The following ITGB5 variants were observed in gnomAD, a reference collection of about 807,000 sequenced individuals.
The protein encoded by ITGB5 is integrin beta-5.
A neutral mutation model predicts 84.8 loss-of-function variants in ITGB5; 38 were observed. That is an observed-to-expected ratio of 0.45 (90% CI 0.35 to 0.59). ITGB5 has a LOEUF of 0.59. ITGB5 is among the 20% of genes least tolerant of loss of function. The probability of loss-of-function intolerance (pLI) is 0.01; values close to 1 mark genes in which losing one functional copy is unlikely to be tolerated. For missense variants in ITGB5, 905 were observed against 1,034.5 expected, an observed-to-expected ratio of 0.87 and a Z score of 1.72; for synonymous variants, 393 against 414.4, an observed-to-expected ratio of 0.95 and a Z score of 0.63.
intron 8 of ITGB5, among the ~76,000 whole-genome samples, chr3:124,815,587 GGCATCC>G (rs1266595288): frequency 1.3e-5 from 2 of 152,186 alleles, no homozygotes; most frequent in Non-Finnish European, 2.9e-5. Context: ...TCCCAGCTCT[GGCATCC>G]TCAGAGGGAA....
chr3:124,863,496 A>T (rs2065335729), intron 2 of ITGB5, among the ~76,000 whole-genome samples: 1 of 152,160 alleles, frequency 6.6e-6, no homozygotes, highest in South Asian at 2.1e-4. Flanking sequence ...CTTCGCCTCT[A>T]TTCCATGTGT....
At chr3:124,773,585 G>T in intron 11 of ITGB5, 105 bp downstream of exon 11, 2 of 951,820 alleles carry the variant, frequency 2.1e-6, no homozygotes, top group Non-Finnish European at 3.3e-6. Context: ...GGTGGGAGAT[G>T]CAGGAGGTGA....
chr3:124,807,748 A>G (rs1283705347), intron 9 of ITGB5, among the ~76,000 whole-genome samples: 1 of 151,772 alleles, frequency 6.6e-6, no homozygotes, highest in Non-Finnish European at 1.5e-5. Context: ...GATCGAGACC[A>G]TCCTGGCTAC....
At chr3:124,873,570 C>T in intron 1 of ITGB5, 39 bp from the exon 2 acceptor site, 1 of 1,435,750 alleles carries the variant, frequency 7.0e-7, no homozygotes, top group Non-Finnish European at 9.8e-7. Context: ...TAGTTCCTGG[C>T]TATAAACTTC....
At chr3:124,801,619 G>A (rs2064317662) in intron 9 of ITGB5, among the ~76,000 whole-genome samples, 1 of 152,170 alleles carries the variant, frequency 6.6e-6, no homozygotes, top group Non-Finnish European at 1.5e-5. Context: ...CCTGAACTGT[G>A]TCTGCTTTTC....
intron 5 of ITGB5, among the ~76,000 whole-genome samples, chr3:124,822,842 C>G (rs1294300370): frequency 6.6e-6 from 1 of 152,166 alleles, no homozygotes; most frequent in African/African-American, 2.4e-5. Flanking sequence ...CTTCAATACA[C>G]CATGACAGGA....
intron 12 of ITGB5, among the ~76,000 whole-genome samples, chr3:124,767,805 C>T (rs1236737089): frequency 6.6e-6 from 1 of 152,208 alleles, no homozygotes; most frequent in Non-Finnish European, 1.5e-5. Flanking sequence ...GGCATGGTGG[C>T]TCACACCTGT....
At chr3:124,823,424 T>C (rs972866851) in intron 5 of ITGB5, among the ~76,000 whole-genome samples, 1 of 151,642 alleles carries the variant, frequency 6.6e-6, no homozygotes, top group African/African-American at 2.4e-5. Context: ...CCAGACACAT[T>C]TTAGGAACCT....
intron 2 of ITGB5, among the ~76,000 whole-genome samples, chr3:124,860,334 GA>G (rs879729454): frequency 5.3e-4 from 79 of 149,888 alleles, no homozygotes; most frequent in East Asian, 1.4e-3. Flanking sequence ...CACTAAGGAG[GA>G]AAAAAAAACC....
intron 10 of ITGB5, among the ~76,000 whole-genome samples, 194 bp downstream of exon 10, chr3:124,796,194 C>T (rs1281539727): frequency 6.6e-6 from 1 of 152,220 alleles, no homozygotes; most frequent in Non-Finnish European, 1.5e-5. Flanking sequence ...ATGGCAATAC[C>T]TTCTGCTTTC....
intron 10 of ITGB5, among the ~76,000 whole-genome samples, chr3:124,784,364 G>C (rs961725384): frequency 5.3e-5 from 8 of 152,148 alleles, no homozygotes; most frequent in African/African-American, 1.9e-4. Flanking sequence ...AATTAGCCAG[G>C]CATGGTGGCA....
At chr3:124,798,423 T>C (rs1315849225) in intron 9 of ITGB5, among the ~76,000 whole-genome samples, 1 of 151,948 alleles carries the variant, frequency 6.6e-6, no homozygotes, top group African/African-American at 2.4e-5. Context: ...ATGTTTTTGT[T>C]GTTGTTGTTG....
chr3:124,863,122 A>G (rs529947931), intron 2 of ITGB5: 1 of 152,238 alleles, frequency 6.6e-6, no homozygotes, highest in South Asian at 2.1e-4. Context: ...GTCAGGCCAT[A>G]TGGTTTTGTT....
At chr3:124,815,516 G>A (rs72972573) in intron 8 of ITGB5, among the ~76,000 whole-genome samples, 7 of 152,194 alleles carry the variant, frequency 4.6e-5, no homozygotes, top group East Asian at 1.9e-4. Flanking sequence ...GGAGGCAAGC[G>A]GTGGCCTCCC....
chr3:124,795,540 T>C (rs2064210290), intron 10 of ITGB5, among the ~76,000 whole-genome samples: 1 of 151,078 alleles, frequency 6.6e-6, no homozygotes. Context: ...CCCCCAGAGA[T>C]GTCCACATCC....
intron 3 of ITGB5, among the ~76,000 whole-genome samples, chr3:124,853,621 G>A (rs1003931827): frequency 6.6e-5 from 10 of 152,118 alleles, no homozygotes; most frequent in African/African-American, 2.4e-4. Context: ...TATTGCAGAA[G>A]CAATACCTAA....
intron 10 of ITGB5, chr3:124,787,521 A>C (rs1295884485): frequency 6.6e-6 from 1 of 152,236 alleles, no homozygotes; most frequent in Non-Finnish European, 1.5e-5. Flanking sequence ...AAAATTTAGA[A>C]ATTAATTCAA....
At chr3:124,776,670 C>T (rs958235946) in intron 10 of ITGB5, among the ~76,000 whole-genome samples, 4 of 152,210 alleles carry the variant, frequency 2.6e-5, no homozygotes, top group Non-Finnish European at 5.9e-5. Context: ...TCTCTGATGG[C>T]TTGTCCATCA....
intron 6 of ITGB5, among the ~76,000 whole-genome samples, chr3:124,821,068 T>TA (rs1302563879): frequency 5.3e-5 from 8 of 152,204 alleles, no homozygotes; most frequent in African/African-American, 1.9e-4. Flanking sequence ...ACTTCCCATT[T>TA]AGACGCACAT....
Sources: gnomAD v4.1 joint callset for allele counts (sites outside exome capture counted in the v4.1 genomes callset) on GRCh38, gnomAD v4.1.1 for gene constraint, MANE v1.5 for transcripts, NCBI Gene and HGNC (gene_info 2026-07-23, HGNC 2026-07-21) for gene names.